The following ATP13A4 variants were observed in gnomAD, a reference collection of about 807,000 sequenced individuals.
ATP13A4 encodes the protein ATPase 13A4.
ATP13A4 carries 114 observed loss-of-function variants against 142.5 expected under a neutral mutation model. The ratio of observed to expected loss-of-function variants is 0.80; its 90% confidence interval spans 0.69 to 0.93. ATP13A4 has a LOEUF of 0.93. Among genes scored for constraint, ATP13A4 ranks in the 40% least tolerant of loss-of-function variants. The probability of loss-of-function intolerance (pLI) is 0.00; values close to 1 mark genes in which losing one functional copy is unlikely to be tolerated. For synonymous variants in ATP13A4, 488 were observed against 514.8 expected, an observed-to-expected ratio of 0.95 and a Z score of 0.70; for missense variants, 1,392 against 1,454.0, an observed-to-expected ratio of 0.96 and a Z score of 0.69.
At position 193,407,383 on chromosome 3, in the gene ATP13A4, G is replaced by C; in HGVS notation, c.3308C>G (p.Thr1103Ser). 1 of 1,613,014 alleles carries C rather than the reference G, an allele frequency of 6.2e-7. No individual in the cohort carries two copies. Among genetic ancestry groups the C allele is most frequent in the Non-Finnish European group, 8.5e-7 (1 of 1,179,074 alleles). Residue 1103 changes from threonine to serine, a missense_variant, in exon 29 of 30, where the codon ACT becomes AGT. Transcript: ENST00000342695. ...ELYRRLDLLCTPVLWRASIVI... is the reference protein window; with the variant it reads ...ELYRRLDLLCSPVLWRASIVI... ...AATGGAGGCCCTCCACAGGACGGGA[G>C]TGCAGAGCAGCTGGCGGGAGATGAT...
At position 193,489,884 on chromosome 3, in the gene ATP13A4, C is replaced by G. The variant is rs1397113720; in HGVS notation, c.604-20G>C. ...TAGAACCTGTTGGCAGACATAAAAA[C>G]AGGAAGACAAGGGAGAGTTTTAGGC... On this transcript the variant is annotated intron_variant, in intron 6 of 29. Coordinates refer to ENST00000342695, the MANE Select transcript of ATP13A4 (RefSeq NM_032279.4). The G allele has an allele frequency of 1.2e-6, 2 of 1,610,268 alleles. No individual in the cohort carries two copies. Among genetic ancestry groups the G allele is most frequent in the African/African-American group, 2.7e-5 (2 of 74,782 alleles).
At chr3:193,558,601 A>G (rs1057167481), upstream of ATP13A4, among the ~76,000 whole-genome samples, 2 of 152,322 alleles carry the variant, frequency 1.3e-5, no homozygotes, top group Admixed American at 1.3e-4. Flanking sequence ...AGGAACTTCA[A>G]GTAGGGAGTT....
chr3:193,404,593 T>G (rs539146328), intron 29 of ATP13A4, among the ~76,000 whole-genome samples: 1 of 152,240 alleles, frequency 6.6e-6, no homozygotes, highest in Admixed American at 6.5e-5. Context: ...ATCTGATTGT[T>G]TAAAAGTGTG....
intron 6 of ATP13A4, 125 bp downstream of exon 6, chr3:193,491,204 G>A: frequency 1.3e-6 from 1 of 799,484 alleles, no homozygotes; most frequent in Non-Finnish European, 2.2e-6. Flanking sequence ...TAATATGCTT[G>A]GCATACTTTC....
At chr3:193,547,382 C>T (rs896582151) in intron 1 of ATP13A4, among the ~76,000 whole-genome samples, 1 of 152,304 alleles carries the variant, frequency 6.6e-6, no homozygotes, top group Admixed American at 6.5e-5. Flanking sequence ...TCATTCTGAC[C>T]AAATCCAGCT....
At chr3:193,485,350 A>C (rs1360289849) in intron 7 of ATP13A4, among the ~76,000 whole-genome samples, 2 of 152,202 alleles carry the variant, frequency 1.3e-5, no homozygotes, top group Non-Finnish European at 2.9e-5. Flanking sequence ...GTGGAGCAGC[A>C]GTCCTTAGAG....
chr3:193,558,405 C>T (rs1016196288), upstream of ATP13A4, among the ~76,000 whole-genome samples: 10 of 152,110 alleles, frequency 6.6e-5, no homozygotes, highest in South Asian at 2.1e-4. Flanking sequence ...TTGACATTTT[C>T]CTGAAGGATT....
chr3:193,564,445 T>C (rs1368287358), intron 2 of ATP13A4, among the ~76,000 whole-genome samples: 1 of 152,212 alleles, frequency 6.6e-6, no homozygotes, highest in African/African-American at 2.4e-5. Flanking sequence ...TCATCAAGTA[T>C]CTGACTGTTT....
At chr3:193,407,277 C>T (rs1165937034) in intron 29 of ATP13A4, 36 bp downstream of exon 29, 2 of 1,558,918 alleles carry the variant, frequency 1.3e-6, no homozygotes, top group Non-Finnish European at 1.8e-6. Context: ...TGCGTGCACA[C>T]ACACAAGATC....
chr3:193,502,622 G>A lies in ATP13A4; in HGVS notation c.252C>T (p.Tyr84=). Residue 84 remains tyrosine (Y), a synonymous_variant, in exon 3 of 30, where the codon TAC becomes TAT. Transcript: ENST00000342695. ...LLRTTDEFQI[Y]SWKKVIWIYL... ...AGATCCATATTACCTTTTTCCAAGA[G>A]TAAATTTGGAATTCATCCTGAGGAG... 1 of 1,613,920 alleles carries A rather than the reference G, an allele frequency of 6.2e-7. No individual in the cohort carries two copies. The highest frequency in any genetic ancestry group is 8.5e-7 in the Non-Finnish European group (1 of 1,179,912).
chr3:193,582,727 A>G (rs1270722686), intron 1 of ATP13A4, among the ~76,000 whole-genome samples: 1 of 46,472 alleles, frequency 2.2e-5, no homozygotes, highest in African/African-American at 9.5e-5. Context: ...TATTACATAT[A>G]TAAAATATAT....
chr3:193,427,895 C>T (rs1453389895), intron 25 of ATP13A4, among the ~76,000 whole-genome samples: 1 of 152,136 alleles, frequency 6.6e-6, no homozygotes, highest in East Asian at 1.9e-4. Context: ...GACTTCATGT[C>T]TAAAACAACA....
chr3:193,418,958 G>C (rs1685987741), intron 25 of ATP13A4: 1 of 150,538 alleles, frequency 6.6e-6, no homozygotes, highest in East Asian at 2.1e-4. Flanking sequence ...TTGCTATGCA[G>C]CTATTCCATT....
upstream of ATP13A4, chr3:193,555,154 T>C (rs1485603460): frequency 7.9e-6 from 3 of 379,312 alleles, no homozygotes. Flanking sequence ...GACTTCTGAC[T>C]GCAAATCCAA....
intron 1 of ATP13A4, among the ~76,000 whole-genome samples, chr3:193,521,419 T>A (rs1049298908): frequency 6.6e-6 from 1 of 152,112 alleles, no homozygotes; most frequent in African/African-American, 2.4e-5. Context: ...GCACTCCAAG[T>A]GGAGGAATTA....
chr3:193,489,800 TTA>T lies in ATP13A4; in HGVS notation c.666_667del (p.Tyr222Ter). 2 of 1,610,744 alleles carry T rather than the reference TTA, an allele frequency of 1.2e-6. No individual in the cohort carries two copies. Among genetic ancestry groups the T allele is most frequent in the Non-Finnish European group, 1.7e-6 (2 of 1,177,000 alleles). On this transcript the variant is annotated stop_gained and frameshift_variant, in exon 7 of 30. Transcript: ENST00000342695. LOFTEE classifies it high-confidence loss of function. Reference sequence around the variant, plus strand: ...GATTATGATGGCAAAAGCATATTCCTTATAGTCTTCACTAAACCACAAACAGA... The same window carrying T: ...GATTATGATGGCAAAAGCATATTCCTTAGTCTTCACTAAACCACAAACAGA...
At chr3:193,494,702 T>G (rs1720129903) in intron 3 of ATP13A4, among the ~76,000 whole-genome samples, 1 of 151,614 alleles carries the variant, frequency 6.6e-6, no homozygotes, top group African/African-American at 2.4e-5. Context: ...CAATCTAACA[T>G]TGCACCTCAG....
In ATP13A4 at chr3:193,423,763, G is replaced by C. The variant is rs912504772; in HGVS notation, c.2843-9013C>G. Among the ~76,000 whole-genome samples the C allele has an allele frequency of 3.4e-5, 5 of 149,144 alleles. 1 individual carries two copies. Among genetic ancestry groups the C allele is most frequent in the Non-Finnish European group, 4.4e-5 (3 of 67,466 alleles). ...TTAAAAGCTTTTCCTTTAAAATCTG[G>C]AACAAGAAAAGGATGCCCACTTTTG... On this transcript the variant is annotated intron_variant, in intron 25 of 29. Transcript: ENST00000342695.
At chr3:193,504,020 T>TGTGTGTGTGTGTGAGAGA (rs1034644341) in intron 2 of ATP13A4, among the ~76,000 whole-genome samples, 4 of 144,218 alleles carry the variant, frequency 2.8e-5, no homozygotes, top group African/African-American at 1.0e-4. Flanking sequence ...TGTGTGTGTG[T>TGTGTGTGTGTGTGAGAGA]GAGAGAGAGA....
Sources: gnomAD v4.1 joint callset for allele counts (sites outside exome capture counted in the v4.1 genomes callset) on GRCh38, gnomAD v4.1.1 for gene constraint, MANE v1.5 for transcripts, NCBI Gene and HGNC (gene_info 2026-07-23, HGNC 2026-07-21) for gene names.